Variants in CSRNP3 observed in about 807,000 individuals in gnomAD.
CSRNP3 encodes cysteine and serine rich nuclear protein 3.
Under a neutral mutation model 48.0 loss-of-function variants are expected in CSRNP3, and 12 were observed. That is an observed-to-expected ratio of 0.25 (90% CI 0.16 to 0.41). The LOEUF is 0.41. Ranked by LOEUF, CSRNP3 falls within the 10% of genes least tolerant of loss-of-function variation. The pLI is 1.00. For synonymous variants in CSRNP3, 263 were observed against 269.7 expected (o/e 0.98, Z 0.24); for missense variants, 580 against 724.4 (o/e 0.80, Z 2.29).
chr2:165,562,142 G>A (rs1296702416), intron 3 of CSRNP3, among the ~76,000 whole-genome samples: 5 of 152,100 alleles, frequency 3.3e-5, no homozygotes, highest in African/African-American at 2.4e-5. Context: ...TGATGTACAA[G>A]TGTCCCTATT....
At chr2:165,531,230 C>G (rs1417786387) in intron 3 of CSRNP3, among the ~76,000 whole-genome samples, 1 of 152,088 alleles carries the variant, frequency 6.6e-6, no homozygotes, top group Non-Finnish European at 1.5e-5. Flanking sequence ...CCCTAAGGAC[C>G]TTGGTTTCAG....
chr2:165,643,509 A>T (rs937323635), intron 4 of CSRNP3, among the ~76,000 whole-genome samples: 5 of 152,202 alleles, frequency 3.3e-5, no homozygotes, highest in Non-Finnish European at 5.9e-5. Flanking sequence ...ACCAACAGAA[A>T]CATGATGCTC....
chr2:165,480,655 T>G (rs1684027955), intron 1 of CSRNP3, among the ~76,000 whole-genome samples: 1 of 151,648 alleles, frequency 6.6e-6, no homozygotes, highest in Non-Finnish European at 1.5e-5. Flanking sequence ...AGAACCTTAC[T>G]GGCAGAACCA....
At chr2:165,634,800 A>T (rs984137381) in intron 4 of CSRNP3, among the ~76,000 whole-genome samples, 4 of 152,298 alleles carry the variant, frequency 2.6e-5, no homozygotes, top group South Asian at 2.1e-4. Context: ...TCTAGAAAGT[A>T]CTCCAGTACA....
chr2:165,567,384 A>G (rs1371176936), intron 3 of CSRNP3, among the ~76,000 whole-genome samples: 1 of 152,084 alleles, frequency 6.6e-6, no homozygotes, highest in Non-Finnish European at 1.5e-5. Context: ...AAATCTGGAT[A>G]CTTTCTTCTC....
chr2:165,675,662 G>A (rs907408832), intron 5 of CSRNP3, among the ~76,000 whole-genome samples: 2 of 152,214 alleles, frequency 1.3e-5, no homozygotes, highest in Admixed American at 1.3e-4. Flanking sequence ...TGTTTCAGCT[G>A]TTGGTTGCTG....
At chr2:165,490,814 AT>A (rs1288473813) in intron 1 of CSRNP3, among the ~76,000 whole-genome samples, 2 of 136,166 alleles carry the variant, frequency 1.5e-5, no homozygotes, top group Non-Finnish European at 3.2e-5. Context: ...TGGATTAAAG[AT>A]TTAAACGTTA....
At chr2:165,581,697 C>T (rs1685550543) in intron 3 of CSRNP3, among the ~76,000 whole-genome samples, 1 of 151,948 alleles carries the variant, frequency 6.6e-6, no homozygotes, top group Non-Finnish European at 1.5e-5. Context: ...TCACCATGCC[C>T]AGCTAATTTT....
At chr2:165,494,493 A>G (rs1452786399) in intron 1 of CSRNP3, among the ~76,000 whole-genome samples, 1 of 152,114 alleles carries the variant, frequency 6.6e-6, no homozygotes, top group African/African-American at 2.4e-5. Flanking sequence ...AAAACAGTTA[A>G]GCCATATCTC....
rs1686889618 is a variant in CSRNP3 at position 165,650,701 on chromosome 2, AAC to A, written c.149-7056_149-7055del. Among the ~76,000 whole-genome samples, 6 of 152,330 alleles carry A rather than the reference AAC, an allele frequency of 3.9e-5. No homozygotes were observed. The South Asian group carries it at 1.2e-3, about 32-fold the overall frequency. On this transcript the variant is annotated intron_variant, in intron 4 of 6. Transcript: ENST00000651982. ...ATCAATTTGGTCTGTATGATTTAAA[AAC>A]ACAAATTTTCATTGCCCAGGGCTTA...
intron 4 of CSRNP3, among the ~76,000 whole-genome samples, chr2:165,604,512 G>A (rs1225241621): frequency 6.6e-6 from 1 of 152,218 alleles, no homozygotes; most frequent in Admixed American, 6.5e-5. Context: ...TCATTGTGAT[G>A]TATCAGGATC....
At chr2:165,557,802 C>T (rs564456459) in intron 3 of CSRNP3, among the ~76,000 whole-genome samples, 1 of 152,300 alleles carries the variant, frequency 6.6e-6, no homozygotes, top group African/African-American at 2.4e-5. Context: ...AAGCACATTC[C>T]TAGAAACCTC....
At chr2:165,486,927 G>A (rs1684128959) in intron 1 of CSRNP3, among the ~76,000 whole-genome samples, 1 of 96,468 alleles carries the variant, frequency 1.0e-5, no homozygotes, top group South Asian at 4.2e-4. Context: ...CACCAGCAAC[G>A]GAACAAAGCT....
intron 4 of CSRNP3, among the ~76,000 whole-genome samples, chr2:165,612,495 G>A (rs1238525706): frequency 2.0e-5 from 3 of 151,896 alleles, no homozygotes; most frequent in African/African-American, 7.2e-5. Flanking sequence ...TCACCCTACA[G>A]GGGCCACAGA....
chr2:165,610,277 T>C (rs1686114548), intron 4 of CSRNP3, among the ~76,000 whole-genome samples: 1 of 152,204 alleles, frequency 6.6e-6, no homozygotes, highest in African/African-American at 2.4e-5. Context: ...TCAATCTTTC[T>C]TAATCTAGCA....
intron 2 of CSRNP3, among the ~76,000 whole-genome samples, chr2:165,508,332 A>G (rs936766158): frequency 6.6e-6 from 1 of 152,134 alleles, no homozygotes; most frequent in Non-Finnish European, 1.5e-5. Flanking sequence ...TGTGAGCCCC[A>G]TGTCCAAAAG....
chr2:165,475,005 CAAAT>C (rs1030607712), intron 1 of CSRNP3, among the ~76,000 whole-genome samples: 1 of 152,120 alleles, frequency 6.6e-6, no homozygotes, highest in Non-Finnish European at 1.5e-5. Context: ...AATAATGAAA[CAAAT>C]AGTTTCCTAA....
chr2:165,655,793 C>T (rs752777312), intron 4 of CSRNP3, among the ~76,000 whole-genome samples: 21 of 152,186 alleles, frequency 1.4e-4, no homozygotes, highest in Non-Finnish European at 2.8e-4. Flanking sequence ...AGTCTTCACA[C>T]GGTGTTCTTT....
chr2:165,618,756 C>T (rs1242985174), intron 4 of CSRNP3, among the ~76,000 whole-genome samples: 1 of 152,070 alleles, frequency 6.6e-6, no homozygotes, highest in Non-Finnish European at 1.5e-5. Context: ...ATGAGAAATG[C>T]TCTAAGGTGA....
Sources: gnomAD v4.1 joint callset for allele counts (sites outside exome capture counted in the v4.1 genomes callset) on GRCh38, gnomAD v4.1.1 for gene constraint, MANE v1.5 for transcripts, NCBI Gene and HGNC (gene_info 2026-07-23, HGNC 2026-07-21) for gene names.